Variants in NRXN3 observed in about 807,000 individuals in gnomAD.
NRXN3 encodes the protein neurexin III.
A neutral mutation model predicts 137.6 loss-of-function variants in NRXN3; 32 were observed. The ratio of observed to expected loss-of-function variants is 0.23; its 90% CI spans 0.18 to 0.31. NRXN3 has a LOEUF of 0.31. Ranked by LOEUF, NRXN3 falls within the 10% of genes least tolerant of loss-of-function variation. The pLI is 1.00. For synonymous variants in NRXN3, 798 were observed against 784.5 expected, an observed-to-expected ratio of 1.02 and a Z score of -0.29; for missense variants, 1,574 against 2,062.5, an observed-to-expected ratio of 0.76 and a Z score of 4.59.
chr14:79,194,870 A>G (rs937038113), intron 15 of NRXN3, among the ~76,000 whole-genome samples: 2 of 152,160 alleles, frequency 1.3e-5, no homozygotes, highest in African/African-American at 4.8e-5. Flanking sequence ...TGCCTGTAAG[A>G]TATCTCATGT....
intron 15 of NRXN3, among the ~76,000 whole-genome samples, chr14:79,260,139 T>C (rs962236931): frequency 1.3e-5 from 2 of 152,218 alleles, no homozygotes; most frequent in Non-Finnish European, 2.9e-5. Flanking sequence ...TACAAATATG[T>C]ATCTACCTTA....
intron 8 of NRXN3, among the ~76,000 whole-genome samples, chr14:78,759,164 C>A (rs1451219050): frequency 6.6e-6 from 1 of 152,160 alleles, no homozygotes; most frequent in East Asian, 1.9e-4. Context: ...ACAAGAGTTA[C>A]TAACTGGGAA....
intron 20 of NRXN3, among the ~76,000 whole-genome samples, chr14:79,819,655 T>C (rs2099264976): frequency 6.6e-6 from 1 of 151,932 alleles, no homozygotes; most frequent in Admixed American, 6.6e-5. Context: ...CAGCTAATTT[T>C]TGTGTTTTTA....
intron 15 of NRXN3, among the ~76,000 whole-genome samples, chr14:79,388,247 G>C (rs1042028443): frequency 1.1e-4 from 17 of 151,898 alleles, no homozygotes; most frequent in Non-Finnish European, 2.4e-4. Flanking sequence ...TCCAAAACCT[G>C]AGCAGATGCC....
At position 79,384,733 on chromosome 14, in the gene NRXN3, C is replaced by T. The variant is rs75395969; in HGVS notation, c.3263-82488C>T. Among the ~76,000 whole-genome samples the T allele has an allele frequency of 4.5e-3, 692 of 152,250 alleles. 1 individual carries two copies. Among genetic ancestry groups the T allele is most frequent in the Non-Finnish European group, 7.2e-3 (491 of 68,004 alleles). ...GACACTCTTGGACTTAAATGTTCAC[C>T]TACACTCAATCTGATCATGGACAAA... is the stretch of plus-strand genomic sequence containing the variant. On this transcript the variant is annotated intron_variant, in intron 15 of 20. Coordinates refer to ENST00000335750, the MANE Select transcript of NRXN3 (RefSeq NM_001330195.2).
intron 4 of NRXN3, among the ~76,000 whole-genome samples, chr14:78,555,552 G>T (rs2096729974): frequency 6.6e-6 from 1 of 152,246 alleles, no homozygotes; most frequent in South Asian, 2.1e-4. Context: ...CACCAAAGAT[G>T]TGTGGCTCAA....
At chr14:79,490,038 CAAA>C (rs370581169) in intron 16 of NRXN3, among the ~76,000 whole-genome samples, 3 of 72,848 alleles carry the variant, frequency 4.1e-5, no homozygotes, top group Admixed American at 1.7e-4. Flanking sequence ...TACTCCATCT[CAAA>C]AAAAAAAAAA....
At chr14:79,534,990 T>TA (rs1454934407) in intron 16 of NRXN3, among the ~76,000 whole-genome samples, 1 of 152,200 alleles carries the variant, frequency 6.6e-6, no homozygotes, top group African/African-American at 2.4e-5. Context: ...CAGGCAACCT[T>TA]ACATTTAAAG....
chr14:79,503,993 C>T (rs957448756), intron 16 of NRXN3, among the ~76,000 whole-genome samples: 1 of 152,170 alleles, frequency 6.6e-6, no homozygotes, highest in Non-Finnish European at 1.5e-5. Context: ...CCATAGCTAC[C>T]AGTCTAACCT....
At chr14:79,845,921 A>G (rs540731508) in intron 20 of NRXN3, among the ~76,000 whole-genome samples, 1 of 152,092 alleles carries the variant, frequency 6.6e-6, no homozygotes, top group East Asian at 1.9e-4. Context: ...ACGGAGACAG[A>G]GAGAGATGGA....
In NRXN3 at chr14:79,647,730, G is replaced by C. The variant is rs1455591219; in HGVS notation, c.3445-16048G>C. On this transcript the variant is annotated intron_variant, in intron 16 of 20. Coordinates refer to ENST00000335750, the MANE Select transcript of NRXN3 (RefSeq NM_001330195.2). ...AGATGTGTGTATGATTTTATGATCA[G>C]GTCTGCTTAATTCATCCCAACTCTT... 3.7e-5 allele frequency among the ~76,000 whole-genome samples: 5 copies of C among 135,426 alleles called. 1 individual carries two copies. Among genetic ancestry groups the C allele is most frequent in the African/African-American group, 1.2e-4 (5 of 40,686 alleles). The allele number at this position is 135,426 out of a possible 152,430, so 88.8% of individuals were successfully genotyped here.
chr14:79,152,273 C>T (rs1531628), intron 15 of NRXN3, among the ~76,000 whole-genome samples: 149,483 of 152,196 alleles, frequency 0.98, 73,463 homozygotes, highest in Middle Eastern at 1. Flanking sequence ...TTGCATCTCA[C>T]TATCTTGTTA....
chr14:79,304,076 G>A (rs966694974), intron 15 of NRXN3, among the ~76,000 whole-genome samples: 1 of 152,072 alleles, frequency 6.6e-6, no homozygotes, highest in Non-Finnish European at 1.5e-5. Context: ...CACAAGCAAG[G>A]GAAACGTGCT....
intron 15 of NRXN3, among the ~76,000 whole-genome samples, chr14:79,173,343 G>A (rs973640274): frequency 2.0e-5 from 3 of 151,664 alleles, no homozygotes; most frequent in Non-Finnish European, 4.4e-5. Flanking sequence ...CAGCCTGGGC[G>A]ACATGATGAG....
chr14:78,833,006 T>C (rs760162378), intron 10 of NRXN3, among the ~76,000 whole-genome samples: 32 of 152,172 alleles, frequency 2.1e-4, no homozygotes, highest in Non-Finnish European at 4.6e-4. Context: ...ACATAAGCTA[T>C]TGCCCTTGAA....
chr14:78,782,815 A>T (rs2098774757), intron 8 of NRXN3, among the ~76,000 whole-genome samples: 1 of 152,220 alleles, frequency 6.6e-6, no homozygotes, highest in Admixed American at 6.5e-5. Context: ...CCTCATATAG[A>T]GGCTGAGAAC....
intron 19 of NRXN3, among the ~76,000 whole-genome samples, chr14:79,797,657 C>T (rs1476943837): frequency 6.6e-6 from 1 of 152,112 alleles, no homozygotes. Context: ...ATAGGTATGA[C>T]AGTCATACAA....
chr14:78,252,935 T>A (rs1596390656), intron 2 of NRXN3, among the ~76,000 whole-genome samples: 1 of 152,126 alleles, frequency 6.6e-6, no homozygotes, highest in Admixed American at 6.5e-5. Flanking sequence ...AGGCTGGGAG[T>A]TTACCACACA....
intron 15 of NRXN3, among the ~76,000 whole-genome samples, chr14:79,248,429 G>T (rs2075498189): frequency 6.6e-6 from 1 of 152,036 alleles, no homozygotes; most frequent in South Asian, 2.1e-4. Context: ...TGCCATTTCC[G>T]TGGACAGACT....
Sources: gnomAD v4.1 joint callset for allele counts (sites outside exome capture counted in the v4.1 genomes callset) on GRCh38, gnomAD v4.1.1 for gene constraint, MANE v1.5 for transcripts, NCBI Gene and HGNC (gene_info 2026-07-23, HGNC 2026-07-21) for gene names.